Variants in TXLNB observed in about 807,000 individuals in gnomAD.
The protein encoded by TXLNB is beta-taxilin.
In TXLNB, 37 loss-of-function variants were observed where a neutral mutation model predicts 57.4. The ratio of observed to expected loss-of-function variants is 0.64; its 90% CI spans 0.50 to 0.85. TXLNB has a LOEUF of 0.85. Ranked by LOEUF, TXLNB falls within the 40% of genes least tolerant of loss-of-function variation. The pLI is 0.00. For missense variants in TXLNB, 848 were observed against 825.6 expected (o/e 1.03, Z -0.33); for synonymous variants, 302 against 309.6 (o/e 0.98, Z 0.26).
chr6:139,281,467 T>C (rs1777046784), intron 2 of TXLNB, among the ~76,000 whole-genome samples: 1 of 149,542 alleles, frequency 6.7e-6, no homozygotes, highest in South Asian at 2.1e-4. Context: ...CTATCTCTTA[T>C]CTTTCAGTGG....
At chr6:139,294,386 T>TA (rs1777353741), upstream of TXLNB, among the ~76,000 whole-genome samples, 1 of 152,192 alleles carries the variant, frequency 6.6e-6, no homozygotes. Context: ...TCTCATTTGA[T>TA]ACGGCTGCAT....
chr6:139,249,112 C>T (rs1399482147), intron 7 of TXLNB, among the ~76,000 whole-genome samples: 2 of 152,154 alleles, frequency 1.3e-5, no homozygotes, highest in Non-Finnish European at 2.9e-5. Context: ...GTATGGCTCA[C>T]CATGGAGATA....
chr6:139,268,725 C>T (rs2114550586), intron 4 of TXLNB, among the ~76,000 whole-genome samples: 1 of 152,250 alleles, frequency 6.6e-6, no homozygotes, highest in South Asian at 2.1e-4. Context: ...ATATAAAGCA[C>T]TTAGCATAAC....
intron 2 of TXLNB, among the ~76,000 whole-genome samples, chr6:139,281,492 T>C (rs1348740345): frequency 1.4e-5 from 2 of 142,844 alleles, no homozygotes; most frequent in Non-Finnish European, 3.0e-5. Flanking sequence ...GTCATATTTG[T>C]AGGGGAACTT....
chr6:139,249,141 T>C (rs2114451585), intron 7 of TXLNB, among the ~76,000 whole-genome samples: 1 of 152,374 alleles, frequency 6.6e-6, no homozygotes, highest in Admixed American at 6.5e-5. Flanking sequence ...AGCATTTGTA[T>C]CGCCAAGTCC....
At chr6:139,206,406 A>G in the TXLNB span, among the ~76,000 whole-genome samples, 1 of 152,148 alleles carries the variant, frequency 6.6e-6, no homozygotes, top group African/African-American at 2.4e-5. Context: ...TGGTGGCTCA[A>G]GCCTGTAATC....
the TXLNB span, among the ~76,000 whole-genome samples, chr6:139,223,239 A>T: frequency 2.2e-3 from 328 of 152,366 alleles, no homozygotes; most frequent in African/African-American, 7.4e-3. Context: ...CACAGAGAAA[A>T]TTTAAAAATA....
At chr6:139,170,902 A>G in the TXLNB span, among the ~76,000 whole-genome samples, 3 of 152,078 alleles carry the variant, frequency 2.0e-5, no homozygotes, top group Non-Finnish European at 4.4e-5. Flanking sequence ...GTGTGGACAG[A>G]ATGGAAGGGA....
At chr6:139,260,033 G>T (rs1776440617) in intron 6 of TXLNB, among the ~76,000 whole-genome samples, 1 of 152,072 alleles carries the variant, frequency 6.6e-6, no homozygotes, top group Non-Finnish European at 1.5e-5. Context: ...GACCAGCCTG[G>T]CCAACATGGT....
the TXLNB span, among the ~76,000 whole-genome samples, chr6:139,192,930 T>TC: frequency 6.6e-6 from 1 of 151,022 alleles, no homozygotes; most frequent in Non-Finnish European, 1.5e-5. Flanking sequence ...GCCACTGCAC[T>TC]CCAGCCTGGG....
the TXLNB span, among the ~76,000 whole-genome samples, chr6:139,175,827 C>T: frequency 4.6e-5 from 7 of 152,182 alleles, no homozygotes; most frequent in Admixed American, 3.3e-4. Flanking sequence ...CTGCCACACC[C>T]AGCCTCTTGG....
the TXLNB span, among the ~76,000 whole-genome samples, chr6:139,309,218 T>C: frequency 6.6e-6 from 1 of 152,130 alleles, no homozygotes; most frequent in African/African-American, 2.4e-5. Context: ...TTAATCAGAG[T>C]TATTTCTGAG....
chr6:139,292,415 CTTCTTT>C (rs1777322141), upstream of TXLNB, among the ~76,000 whole-genome samples: 1 of 152,160 alleles, frequency 6.6e-6, no homozygotes, highest in Admixed American at 6.5e-5. This position sits in a 1 kb window ranked among gnomAD's most constrained non-coding sequence, Gnocchi z 4.0. Context: ...GAAGATTCAT[CTTCTTT>C]TTCTTCTTCT....
the TXLNB span, among the ~76,000 whole-genome samples, chr6:139,211,511 A>G: frequency 1.1e-4 from 16 of 152,326 alleles, no homozygotes; most frequent in East Asian, 3.1e-3. Context: ...AAAGGTAGAT[A>G]AAACCACAAA....
intron 4 of TXLNB, among the ~76,000 whole-genome samples, chr6:139,265,723 G>T (rs1312885392): frequency 6.6e-6 from 1 of 152,188 alleles, no homozygotes; most frequent in East Asian, 1.9e-4. Flanking sequence ...AACAAAATCA[G>T]ACAGACTCTA....
At chr6:139,308,071 T>C in the TXLNB span, among the ~76,000 whole-genome samples, 1 of 151,738 alleles carries the variant, frequency 6.6e-6, no homozygotes, top group Middle Eastern at 3.2e-3. Flanking sequence ...AAGTGATCGA[T>C]GCTTCCACAC....
chr6:139,322,164 G>T, the TXLNB span, among the ~76,000 whole-genome samples: 1 of 152,078 alleles, frequency 6.6e-6, no homozygotes, highest in Non-Finnish European at 1.5e-5. Flanking sequence ...CTCTGCTTCG[G>T]CATTATCACT....
chr6:139,306,648 A>T, the TXLNB span, among the ~76,000 whole-genome samples: 1 of 152,206 alleles, frequency 6.6e-6, no homozygotes, highest in African/African-American at 2.4e-5. Flanking sequence ...ATTGTTCCTC[A>T]TATGATATAG....
At chr6:139,286,638 C>T (rs1252592375) in intron 2 of TXLNB, among the ~76,000 whole-genome samples, 1 of 152,198 alleles carries the variant, frequency 6.6e-6, no homozygotes, top group African/African-American at 2.4e-5. Context: ...TGGCAGGCGA[C>T]AGAGCAAAAC....
Sources: gnomAD v4.1 joint callset for allele counts (sites outside exome capture counted in the v4.1 genomes callset) on GRCh38, gnomAD v4.1.1 for gene constraint, Gnocchi (gnomAD v3.1) non-coding constraint, MANE v1.5 for transcripts, NCBI Gene and HGNC (gene_info 2026-07-23, HGNC 2026-07-21) for gene names.